The following CARHSP1 variants were observed in gnomAD, a reference collection of about 807,000 sequenced individuals.
CARHSP1 encodes calcium-regulated heat-stable protein 1.
CARHSP1 carries 14 observed loss-of-function variants against 12.5 expected under a neutral mutation model. The ratio of observed to expected loss-of-function variants is 1.12; its 90% CI spans 0.74 to 1.75. The LOEUF (loss-of-function observed/expected upper bound fraction) is 1.75, where lower values mean the gene tolerates loss of function less well. Among genes scored for constraint, CARHSP1 ranks in the 40% most tolerant of loss-of-function variants. The probability of loss-of-function intolerance (pLI) is 0.00; values close to 1 mark genes in which losing one functional copy is unlikely to be tolerated. For synonymous variants in CARHSP1, 161 were observed against 82.0 expected, an observed-to-expected ratio of 1.96 and a Z score of -5.20; for missense variants, 343 against 201.6, an observed-to-expected ratio of 1.70 and a Z score of -4.25.
chr16:8,861,904 G>T, intron 1 of CARHSP1: 2 of 817,350 alleles, frequency 2.4e-6, no homozygotes, highest in Non-Finnish European at 3.2e-6. Flanking sequence ...CAGTGGCCTC[G>T]CAACTCCACA....
intron 1 of CARHSP1, chr16:8,860,270 A>C (rs1005129216): frequency 8.1e-6 from 8 of 983,144 alleles, no homozygotes; most frequent in African/African-American, 5.2e-5. Flanking sequence ...ATCCAGCTCC[A>C]TCAGGCCCAG....
intron 1 of CARHSP1, among the ~76,000 whole-genome samples, chr16:8,864,426 G>A (rs762454884): frequency 1.3e-5 from 2 of 152,138 alleles, no homozygotes; most frequent in African/African-American, 2.4e-5. Flanking sequence ...CACCACCACA[G>A]CAGTGTCCTG....
At chr16:8,858,876 C>G in intron 2 of CARHSP1, 1 of 413,854 alleles carries the variant, frequency 2.4e-6, no homozygotes, top group Middle Eastern at 6.4e-4. Flanking sequence ...CTGCAGAATT[C>G]ACAGTCTCAC....
At chr16:8,859,880 G>A (rs3743804) in intron 1 of CARHSP1, 64,129 of 152,526 alleles carry the variant, frequency 0.42, 14,772 homozygotes, top group Non-Finnish European at 0.51. Flanking sequence ...TGAAGGCTGA[G>A]GCATGAGAAT....
chr16:8,859,413 A>C lies in CARHSP1; in HGVS notation c.-7-78T>G, dbSNP rs145617263. The stretch of plus-strand genomic sequence containing the variant: ...GTGCTTACCCCCATGTCCACGTCTG[A>C]CAGTCCAGTATCTGAGGCTCATTCC... On this transcript the variant is annotated intron_variant, in intron 1 of 3. Transcript: ENST00000311052. 4.3e-5 allele frequency: 55 copies of C among 1,289,216 alleles called. 1 individual carries two copies. In the Middle Eastern group the frequency reaches 5.8e-4, roughly 14 times the overall value. 79.9% of individuals were successfully genotyped at this position (1,289,216 alleles called of 1,614,324 possible). A position where few individuals can be genotyped will look rare whatever the true frequency, so the allele number is the denominator to read the frequency against.
intron 1 of CARHSP1, chr16:8,866,516 C>A: frequency 1.0e-6 from 1 of 977,246 alleles, no homozygotes; most frequent in Non-Finnish European, 1.2e-6. Context: ...CCTGGGAGAA[C>A]TGCCGGCACG....
chr16:8,861,233 G>C (rs564903839), intron 1 of CARHSP1, among the ~76,000 whole-genome samples: 27 of 122,420 alleles, frequency 2.2e-4, no homozygotes, highest in Admixed American at 2.9e-4. Flanking sequence ...TGCCCAGGCT[G>C]ATCTCAAACT....
chr16:8,864,000 A>C (rs541521118), intron 1 of CARHSP1, among the ~76,000 whole-genome samples: 46 of 152,084 alleles, frequency 3.0e-4, no homozygotes, highest in African/African-American at 9.6e-4. Context: ...TCAGCTCCCC[A>C]CAGCTGGGGG....
chr16:8,866,416 A>G, intron 1 of CARHSP1: 1 of 984,526 alleles, frequency 1.0e-6, no homozygotes, highest in South Asian at 4.7e-5. Context: ...AGAGTAGCGA[A>G]GTTACCTTAG....
chr16:8,859,451 C>G, intron 1 of CARHSP1, 116 bp from the exon 2 acceptor site: 1 of 916,618 alleles, frequency 1.1e-6, no homozygotes, highest in Non-Finnish European at 1.6e-6. Context: ...TCGGGCACCT[C>G]AGCACCATTG....
chr16:8,855,247 G>T lies in CARHSP1; in HGVS notation c.361C>A (p.Leu121Met), dbSNP rs148643770. The T allele has an allele frequency of 1.9e-6, 3 of 1,613,266 alleles. No individual in the cohort carries two copies. Among genetic ancestry groups the T allele is most frequent in the Admixed American group, 1.7e-5 (1 of 59,932 alleles). ...GTGATGACGACCTCCACGGCCTGCA[G>T]CTTCTCATTCTTGGGTGGGATGGAG... ...MCSIPPKNEK[L>M]QAVEVVITHL... The change falls in exon 4 of 4, where the codon CTG becomes ATG. Residue 121 changes from leucine (L) to methionine (M), a missense_variant. Leu to Met is a conservative substitution (Grantham distance 15, BLOSUM62 2). Coordinates refer to ENST00000311052, the MANE Select transcript of CARHSP1 (RefSeq NM_014316.4).
At chr16:8,857,263 GTTTTTTTTTTTTTTTTTT>G (rs756390920) in intron 3 of CARHSP1, among the ~76,000 whole-genome samples, 25 of 57,034 alleles carry the variant, frequency 4.4e-4, no homozygotes, top group South Asian at 2.6e-3. Flanking sequence ...GGGCAGATCT[GTTTTTTTTTTTTTTTTTT>G]TTTTTTTTTT....
Position 8,863,182 on chromosome 16 carries a change from C to T in CARHSP1, c.-7-3847G>A, listed in dbSNP as rs1412774566. The stretch of plus-strand genomic sequence containing the variant: ...TCACCTAGGCTGGAATGCAGTGGCG[C>T]GATCATGGCTCACTGAAGCCTCTCA... On this transcript the variant is annotated intron_variant, in intron 1 of 3. Coordinates refer to ENST00000311052, the MANE Select transcript of CARHSP1 (RefSeq NM_014316.4). 5.0e-5 allele frequency among the ~76,000 whole-genome samples: 7 copies of T among 140,064 alleles called. No individual in the cohort carries two copies. The East Asian group carries it at 6.4e-4, about 13-fold the overall frequency. The allele number at this position is 140,064 out of a possible 152,430, so 91.9% of individuals were successfully genotyped here.
At position 8,859,179 on chromosome 16, in the gene CARHSP1, G is replaced by A. The variant is rs758440108; in HGVS notation, c.150C>T (p.Thr50=). The A allele has an allele frequency of 5.6e-6, 9 of 1,599,982 alleles. No individual in the cohort carries two copies. Among genetic ancestry groups the A allele is most frequent in the East Asian group, 2.2e-5 (1 of 44,502 alleles). The part of the protein sequence containing the change: ...PSPLPTRRTR[T]FSATVRASQG... ...GCCTGCTCCAGACTCACGCCGAGAA[G>A]GTCCTCGTCCGGCGAGTGGGCAGTG... Residue 50 remains threonine, a synonymous_variant, in exon 2 of 4, where the codon ACC becomes ACT. Transcript: ENST00000311052.
chr16:8,860,088 C>G, intron 1 of CARHSP1: 1 of 966,384 alleles, frequency 1.0e-6, no homozygotes, highest in Non-Finnish European at 1.2e-6. Context: ...CACAGGGAAG[C>G]AGGGGCAAAA....
intron 1 of CARHSP1, chr16:8,867,570 G>A (rs1304187629): frequency 6.6e-6 from 1 of 152,234 alleles, no homozygotes; most frequent in East Asian, 1.9e-4. Flanking sequence ...CCCCTACCTA[G>A]GGGACCCACC....
At chr16:8,862,118 T>C (rs994868309) in intron 1 of CARHSP1, among the ~76,000 whole-genome samples, 4 of 149,868 alleles carry the variant, frequency 2.7e-5, no homozygotes, top group African/African-American at 9.8e-5. Flanking sequence ...TTCTCCTGCC[T>C]CAGCCTCCCA....
rs1223413793 is a variant in CARHSP1 at position 8,853,119 on chromosome 16, T to C, written c.*2045A>G. 6.6e-6 allele frequency: 1 copy of C among 152,030 alleles called. No individual in the cohort carries two copies. The highest frequency in any genetic ancestry group is 1.9e-4 in the East Asian group (1 of 5,166). The allele number at this position is 152,030 out of a possible 1,614,324, so 9.4% of individuals were successfully genotyped here. ...TATCGCGTCCCTTCCAGCTCTGACA[T>C]CCTGCGGTTCTAGAATACCCATTGA... is the stretch of plus-strand genomic sequence containing the variant. On this transcript the variant is annotated 3_prime_UTR_variant, in exon 4 of 4. Coordinates refer to ENST00000311052, the MANE Select transcript of CARHSP1 (RefSeq NM_014316.4).
At chr16:8,863,395 G>C (rs2061402993) in intron 1 of CARHSP1, among the ~76,000 whole-genome samples, 2 of 152,196 alleles carry the variant, frequency 1.3e-5, no homozygotes, top group South Asian at 2.1e-4. Flanking sequence ...TTACAGGCGT[G>C]AGCCACCACA....
Sources: allele counts gnomAD v4.1 joint callset (sites outside exome capture counted in the v4.1 genomes callset), GRCh38; gene constraint gnomAD v4.1.1; transcripts MANE v1.5; gene names NCBI Gene and HGNC (gene_info 2026-07-23, HGNC 2026-07-21).